Variants in ZC3H7A observed in about 807,000 individuals in gnomAD.
The protein encoded by ZC3H7A is zinc finger CCCH-type containing 7A.
Under a neutral mutation model 125.5 loss-of-function variants are expected in ZC3H7A, and 44 were observed. That is an observed-to-expected ratio of 0.35 (90% confidence interval 0.28 to 0.45). The LOEUF (loss-of-function observed/expected upper bound fraction) is 0.45, where lower values mean the gene tolerates loss of function less well. Ranked by LOEUF, ZC3H7A falls within the 20% of genes least tolerant of loss-of-function variation. The pLI is 1.00. For synonymous variants in ZC3H7A, 399 were observed against 391.2 expected (o/e 1.02, Z -0.23); for missense variants, 977 against 1,170.7 (o/e 0.83, Z 2.41).
chr16:11,778,374 T>C (rs2141204188), intron 4 of ZC3H7A, among the ~76,000 whole-genome samples: 1 of 145,106 alleles, frequency 6.9e-6, no homozygotes, highest in African/African-American at 2.6e-5. Flanking sequence ...GAGGCGGAGG[T>C]TGCAGTGAGC....
At chr16:11,772,565 T>C (rs1420414847) in intron 9 of ZC3H7A, among the ~76,000 whole-genome samples, 3 of 151,826 alleles carry the variant, frequency 2.0e-5, no homozygotes, top group African/African-American at 7.3e-5. Flanking sequence ...AAGCCAGCTC[T>C]GTCAGTCTTT....
rs760919830 is a variant in ZC3H7A, at chr16:11,776,371, A to G, written c.547-13T>C. 2 of 1,609,024 alleles carry G rather than the reference A, an allele frequency of 1.2e-6. No individual in the cohort carries two copies. Among genetic ancestry groups the G allele is most frequent in the Admixed American group, 1.7e-5 (1 of 59,068 alleles). On this transcript the variant is annotated splice_polypyrimidine_tract_variant and intron_variant, in intron 6 of 22. Coordinates refer to ENST00000355758, the MANE Select transcript of ZC3H7A (RefSeq NM_014153.4). ...ATTTTAATGAGAGCTGAAATAAAATAAAGACACTAATTTAAAAACAGAACT... is the reference window on the plus strand; with the variant it reads ...ATTTTAATGAGAGCTGAAATAAAATGAAGACACTAATTTAAAAACAGAACT...
At position 11,787,448 on chromosome 16, in the gene ZC3H7A, TTG is replaced by T. The variant is rs146283642; in HGVS notation, c.-34-5062_-34-5061del. On this transcript the variant is annotated intron_variant, in intron 1 of 22. Coordinates refer to ENST00000355758, the MANE Select transcript of ZC3H7A (RefSeq NM_014153.4). Reference sequence around the variant, plus strand: ...TAATCTCCCCCCAACACACACCCCTTTGTGTGTGTGTTTTTGTTTTGTTTTGT... The same window carrying T: ...TAATCTCCCCCCAACACACACCCCTTTGTGTGTGTTTTTGTTTTGTTTTGT... Among the ~76,000 whole-genome samples, 245 of 152,118 alleles carry T rather than the reference TTG, an allele frequency of 1.6e-3. 5 individuals are homozygous for T. The East Asian group carries it at 0.039, about 24-fold the overall frequency.
At chr16:11,764,941 A>G in intron 15 of ZC3H7A, 112 bp downstream of exon 15, 1 of 681,504 alleles carries the variant, frequency 1.5e-6, no homozygotes, top group Middle Eastern at 4.1e-4. Flanking sequence ...CTTCAAAATA[A>G]CAACATAACG....
At chr16:11,764,761 T>C (rs1040049661) in intron 15 of ZC3H7A, among the ~76,000 whole-genome samples, 1 of 152,000 alleles carries the variant, frequency 6.6e-6, no homozygotes, top group African/African-American at 2.4e-5. Flanking sequence ...TACATGCAAT[T>C]GTTGAATTAA....
intron 2 of ZC3H7A, among the ~76,000 whole-genome samples, chr16:11,781,713 C>T (rs2053176881): frequency 6.6e-6 from 1 of 151,298 alleles, no homozygotes; most frequent in Non-Finnish European, 1.5e-5. Context: ...ACTTTACTTT[C>T]AAACCTACTT....
At position 11,782,330 on chromosome 16, in the gene ZC3H7A, TTC is replaced by T; in HGVS notation, c.23_24del (p.Arg8LysfsTer8). The T allele has an allele frequency of 1.2e-6, 2 of 1,614,206 alleles. No individual in the cohort carries two copies. The highest frequency in any genetic ancestry group is 1.7e-6 in the Non-Finnish European group (2 of 1,180,040). On this transcript the variant is annotated frameshift_variant, in exon 2 of 23. Coordinates refer to ENST00000355758, the MANE Select transcript of ZC3H7A (RefSeq NM_014153.4). LOFTEE classifies it high-confidence loss of function. MSNVSEE[R>X]RKRQQNIKEG... The stretch of plus-strand genomic sequence containing the variant: ...TCCTTAATGTTCTGCTGCCTTTTTC[TTC>T]TCTCCTCGGACACATTGGACATGTT...
At chr16:11,751,689 TA>T (rs1324267414) in intron 22 of ZC3H7A, among the ~76,000 whole-genome samples, 183 bp from the exon 23 acceptor site, 3 of 152,178 alleles carry the variant, frequency 2.0e-5, no homozygotes, top group Non-Finnish European at 4.4e-5. Flanking sequence ...ATCAGTACTT[TA>T]TTTAAATATA....
chr16:11,795,278 G>A (rs759097734), intron 1 of ZC3H7A, among the ~76,000 whole-genome samples: 1 of 152,188 alleles, frequency 6.6e-6, no homozygotes, highest in Non-Finnish European at 1.5e-5. Context: ...AAGGGAAGGA[G>A]GCCACATGCC....
At chr16:11,761,771 C>A in intron 18 of ZC3H7A, 139 bp downstream of exon 18, 1 of 1,229,972 alleles carries the variant, frequency 8.1e-7, no homozygotes, top group Non-Finnish European at 1.1e-6. Flanking sequence ...AATCTCTTCC[C>A]TTGTGTCTGT....
At chr16:11,756,922 A>C (rs1298054457) in intron 20 of ZC3H7A, among the ~76,000 whole-genome samples, 1 of 152,186 alleles carries the variant, frequency 6.6e-6, no homozygotes, top group Non-Finnish European at 1.5e-5. Context: ...ACCATGACCA[A>C]GTCCTGGGCA....
chr16:11,770,908 G>C lies in ZC3H7A; in HGVS notation c.983C>G (p.Thr328Ser). The C allele has an allele frequency of 1.2e-6, 2 of 1,614,144 alleles. No individual in the cohort carries two copies. The highest frequency in any genetic ancestry group is 1.1e-5 in the South Asian group (1 of 91,074). ...SMPFSASLLG[T>S]LPIGARYAPP... ...AGCATACCTCGCACCAATGGGTAAG[G>C]TTCCTAACAGCGATGCCGAAAAGGG... Residue 328 changes from threonine (T) to serine (S), a missense_variant, in exon 10 of 23, where the codon ACC becomes AGC. Physicochemically the swap from Thr to Ser is moderately conservative, Grantham distance 58. This residue lies in a region of ZC3H7A where 342 missense variants were observed against 311.3 expected (regional missense o/e 1.10). Coordinates refer to ENST00000355758, the MANE Select transcript of ZC3H7A (RefSeq NM_014153.4).
chr16:11,794,576 C>T (rs2053403427), intron 1 of ZC3H7A, among the ~76,000 whole-genome samples: 1 of 152,104 alleles, frequency 6.6e-6, no homozygotes. Flanking sequence ...CACTTCCAGA[C>T]GTTATCCAGA....
Position 11,765,407 on chromosome 16 carries a change from A to T in ZC3H7A, c.1719+82T>A. 1.1e-6 allele frequency: 1 copy of T among 947,638 alleles called. No individual in the cohort carries two copies. The highest frequency in any genetic ancestry group is 1.5e-6 in the Non-Finnish European group (1 of 656,344). 58.7% of individuals were successfully genotyped at this position (947,638 alleles called of 1,614,324 possible). On this transcript the variant is annotated intron_variant, in intron 14 of 22. Transcript: ENST00000355758. The surrounding 1 kb of genome is among the most constrained non-coding windows in gnomAD (Gnocchi z 4.8). ...TGAATATTTATTCATTTACCAAGTG[A>T]ATGTTTTATCACATGGCAGGACAAT... is the stretch of plus-strand genomic sequence containing the variant.
intron 1 of ZC3H7A, among the ~76,000 whole-genome samples, chr16:11,790,285 C>T (rs1447017452): frequency 6.6e-6 from 1 of 151,984 alleles, no homozygotes; most frequent in East Asian, 1.9e-4. Flanking sequence ...GTGATGAGGC[C>T]ATGTTTGTTT....
intron 1 of ZC3H7A, chr16:11,782,599 T>TTA: frequency 3.2e-6 from 1 of 316,230 alleles, no homozygotes; most frequent in Non-Finnish European, 5.8e-6. Context: ...CGTTTTCATA[T>TTA]TCTTTTTTTT....
Position 11,769,098 on chromosome 16 carries a change from A to G in ZC3H7A, c.1109-3T>C. 1 of 1,602,012 alleles carries G rather than the reference A, an allele frequency of 6.2e-7. No individual in the cohort carries two copies. The highest frequency in any genetic ancestry group is 1.1e-5 in the South Asian group (1 of 88,622). ...TCTAGAAGTTGAGGTGGACAGATCT[A>G]AAATAATAAAAAAACTTCAACAGAC... On this transcript the variant is annotated splice_polypyrimidine_tract_variant and splice_region_variant and intron_variant, in intron 10 of 22. Transcript: ENST00000355758.
chr16:11,765,123 T>A lies in ZC3H7A; in HGVS notation c.1750A>T (p.Ser584Cys). 1 of 1,587,446 alleles carries A rather than the reference T, an allele frequency of 6.3e-7. No homozygotes were observed. The highest frequency in any genetic ancestry group is 2.3e-5 in the East Asian group (1 of 43,068). The change falls in exon 15 of 23, where the codon AGT (serine) becomes TGT (cysteine). Residue 584 changes from serine to cysteine, a missense_variant. Ser to Cys is a moderately radical substitution (Grantham distance 112). Transcript: ENST00000355758. This position sits in a 1 kb window ranked among gnomAD's most constrained non-coding sequence, Gnocchi z 4.8. ...GTAGAATTATCTTTATTTCTTTTAC[T>A]TATCATTCTAGGCTTATGATCAAAA... The part of the protein sequence containing the change: ...KCFDHKPRMI[S>C]KRNKDNSTAC...
intron 9 of ZC3H7A, among the ~76,000 whole-genome samples, chr16:11,773,481 T>C (rs2053022409): frequency 6.6e-6 from 1 of 151,934 alleles, no homozygotes; most frequent in African/African-American, 2.4e-5. Context: ...ATATTCTTAG[T>C]TTGCAAGCCA....
Sources: gnomAD v4.1 joint callset for allele counts (sites outside exome capture counted in the v4.1 genomes callset) on GRCh38, gnomAD v4.1.1 for gene constraint, gnomAD v4.1.1 regional missense constraint, Gnocchi (gnomAD v3.1) non-coding constraint, MANE v1.5 for transcripts, NCBI Gene and HGNC (gene_info 2026-07-23, HGNC 2026-07-21) for gene names.